MATCAP2: variants seen among roughly 807,000 people sequenced by gnomAD.
MATCAP2 encodes the protein putative tyrosine carboxypeptidase MATCAP2.
the MATCAP2 span, among the ~76,000 whole-genome samples, chr7:36,329,448 T>C: frequency 6.6e-6 from 1 of 152,212 alleles, no homozygotes; most frequent in South Asian, 2.1e-4. Context: ...ACTCAGCTCC[T>C]GTTTTTAAAA....
At chr7:36,349,186 G>A in the MATCAP2 span, among the ~76,000 whole-genome samples, 2 of 152,194 alleles carry the variant, frequency 1.3e-5, no homozygotes, top group African/African-American at 4.8e-5. Context: ...GAAGAGGTGA[G>A]ATGATCAAAT....
the MATCAP2 span, chr7:36,389,953 G>A: frequency 6.2e-7 from 1 of 1,613,844 alleles, no homozygotes; most frequent in Non-Finnish European, 8.5e-7. Context: ...GAGACACACT[G>A]AGCTGAGACT....
At chr7:36,371,946 C>G in the MATCAP2 span, among the ~76,000 whole-genome samples, 1 of 151,942 alleles carries the variant, frequency 6.6e-6, no homozygotes, top group Admixed American at 6.6e-5. Flanking sequence ...AATTCCTGGC[C>G]TCAAGCAATC....
chr7:36,336,346 G>T, the MATCAP2 span: 3 of 1,309,102 alleles, frequency 2.3e-6, no homozygotes, highest in Non-Finnish European at 3.1e-6. Context: ...ATATTACTTT[G>T]AGATGTCATA....
chr7:36,339,839 A>T, the MATCAP2 span, among the ~76,000 whole-genome samples: 3 of 152,062 alleles, frequency 2.0e-5, no homozygotes, highest in Admixed American at 2.0e-4. Context: ...CTGCTTATAG[A>T]TATTTTTTTT....
the MATCAP2 span, among the ~76,000 whole-genome samples, chr7:36,378,094 C>A: frequency 6.6e-6 from 1 of 152,206 alleles, no homozygotes; most frequent in Non-Finnish European, 1.5e-5. Flanking sequence ...CCTTCTGAAG[C>A]CTACTTCTAT....
chr7:36,367,299 C>G, the MATCAP2 span: 1 of 1,022,068 alleles, frequency 9.8e-7, no homozygotes, highest in Non-Finnish European at 1.2e-6. Context: ...TGGGGGCGCT[C>G]GTGCGACGAA....
chr7:36,333,199 T>TTGA, the MATCAP2 span, among the ~76,000 whole-genome samples: 1 of 152,140 alleles, frequency 6.6e-6, no homozygotes, highest in Non-Finnish European at 1.5e-5. Flanking sequence ...GATCAAAATA[T>TTGA]TGATACATGC....
At chr7:36,330,938 T>C in the MATCAP2 span, 1 of 1,095,734 alleles carries the variant, frequency 9.1e-7, no homozygotes, top group Non-Finnish European at 1.4e-6. Context: ...AGGGGAATGC[T>C]GATCTGGGGT....
At chr7:36,363,125 AAG>A in the MATCAP2 span, among the ~76,000 whole-genome samples, 1 of 152,210 alleles carries the variant, frequency 6.6e-6, no homozygotes, top group South Asian at 2.1e-4. Flanking sequence ...AGGAAGGTAA[AAG>A]AAAAATGAAA....
the MATCAP2 span, among the ~76,000 whole-genome samples, chr7:36,354,169 C>G: frequency 1.3e-5 from 2 of 152,198 alleles, no homozygotes; most frequent in African/African-American, 2.4e-5. Context: ...AGCCAGGGCT[C>G]AGCAGGCTAC....
the MATCAP2 span, chr7:36,356,794 A>G: frequency 8.3e-6 from 8 of 966,690 alleles, no homozygotes; most frequent in East Asian, 7.8e-5. Flanking sequence ...TAACCATAAC[A>G]TAGAAATAAT....
chr7:36,372,077 GA>G, the MATCAP2 span, among the ~76,000 whole-genome samples: 36 of 147,786 alleles, frequency 2.4e-4, no homozygotes, highest in African/African-American at 4.8e-4. Flanking sequence ...GCTTGCAACT[GA>G]AAAAAAAAAA....
the MATCAP2 span, among the ~76,000 whole-genome samples, chr7:36,347,494 G>A: frequency 6.6e-6 from 1 of 152,110 alleles, no homozygotes; most frequent in South Asian, 2.1e-4. Flanking sequence ...TTTTACATTG[G>A]GGCCCCACCA....
At chr7:36,328,239 T>TGTGG in the MATCAP2 span, among the ~76,000 whole-genome samples, 1 of 25,234 alleles carries the variant, frequency 4.0e-5, no homozygotes, top group African/African-American at 1.0e-4. Context: ...TTTGTTTTTG[T>TGTGG]AGGGGGGGGG....
At chr7:36,333,118 A>G in the MATCAP2 span, among the ~76,000 whole-genome samples, 31 of 152,188 alleles carry the variant, frequency 2.0e-4, no homozygotes, top group African/African-American at 7.5e-4. Flanking sequence ...CCGGCTCTGA[A>G]GACAGCAGCG....
the MATCAP2 span, among the ~76,000 whole-genome samples, chr7:36,367,429 G>C: frequency 2.0e-5 from 3 of 152,156 alleles, no homozygotes. Context: ...CAGCCAGTGG[G>C]TAACGCATAT....
chr7:36,350,544 T>A, the MATCAP2 span, among the ~76,000 whole-genome samples: 1 of 150,968 alleles, frequency 6.6e-6, no homozygotes, highest in African/African-American at 2.4e-5. Context: ...TTTTTTTTTT[T>A]TTTTTTTTGA....
chr7:36,344,955 G>A, the MATCAP2 span, among the ~76,000 whole-genome samples: 8 of 152,230 alleles, frequency 5.3e-5, no homozygotes, highest in Middle Eastern at 6.8e-3. Context: ...AAAATTCCTA[G>A]AACCAGAACA....
Sources: gnomAD v4.1 joint callset for allele counts (sites outside exome capture counted in the v4.1 genomes callset) on GRCh38, gnomAD v4.1.1 for gene constraint, MANE v1.5 for transcripts, NCBI Gene and HGNC (gene_info 2026-07-23, HGNC 2026-07-21) for gene names.